VOPP1: variants seen among roughly 807,000 people sequenced by gnomAD.
VOPP1 encodes the protein WW domain binding protein VOPP1.
VOPP1 carries 8 observed loss-of-function variants against 23.5 expected under a neutral mutation model. The ratio of observed to expected loss-of-function variants is 0.34; its 90% confidence interval spans 0.20 to 0.61. The LOEUF is 0.61. Ranked by LOEUF, VOPP1 falls within the 20% of genes least tolerant of loss-of-function variation. The probability of loss-of-function intolerance (pLI) is 0.78; values close to 1 mark genes in which losing one functional copy is unlikely to be tolerated. For missense variants in VOPP1, 174 were observed against 238.1 expected (o/e 0.73, Z 1.77); for synonymous variants, 83 against 97.3 (o/e 0.85, Z 0.86).
downstream of VOPP1, among the ~76,000 whole-genome samples, chr7:55,468,471 G>T (rs1475778780): frequency 1.3e-5 from 2 of 152,268 alleles, no homozygotes; most frequent in South Asian, 4.1e-4. Context: ...AAAGGCTGAG[G>T]CCTGGCCCTT....
In VOPP1 at chr7:55,497,639, G is replaced by A. The variant is rs373731224; in HGVS notation, c.165C>T (p.Leu55=). 63 of 1,613,484 alleles carry A rather than the reference G, an allele frequency of 3.9e-5. No homozygotes were observed. The highest frequency in any genetic ancestry group is 1.6e-4 in the Middle Eastern group (1 of 6,068). ...CCGSRCCVRA[L]SIQRLWYFWF... ...AGAAGTACCACAGCCTCTGTATGGA[G>A]AGGGCCCGCACACAGCACCTGGAGC... is the stretch of plus-strand genomic sequence containing the variant. The change falls in exon 3 of 5, where the codon CTC becomes CTT. Residue 55 remains leucine (L), a synonymous_variant. Coordinates refer to ENST00000285279, the MANE Select transcript of VOPP1 (RefSeq NM_030796.5).
At chr7:55,476,525 G>C (rs1230741726) in intron 4 of VOPP1, among the ~76,000 whole-genome samples, 1 of 152,154 alleles carries the variant, frequency 6.6e-6, no homozygotes, top group Non-Finnish European at 1.5e-5. Flanking sequence ...GGGAGAAGGA[G>C]AGGCAGCTGA....
intron 2 of VOPP1, among the ~76,000 whole-genome samples, chr7:55,517,641 G>T (rs1177129251): frequency 6.6e-6 from 1 of 152,152 alleles, no homozygotes; most frequent in Non-Finnish European, 1.5e-5. Flanking sequence ...GGGCTTCAGA[G>T]ATCAAAAATA....
intron 3 of VOPP1, among the ~76,000 whole-genome samples, chr7:55,494,517 A>T (rs1471419163): frequency 6.6e-6 from 1 of 152,190 alleles, no homozygotes; most frequent in Non-Finnish European, 1.5e-5. Flanking sequence ...TGCAGCTCCC[A>T]CCTTAGACTA....
At chr7:55,454,269 T>C (rs815941) in intron 4 of VOPP1, among the ~76,000 whole-genome samples, 45,523 of 152,074 alleles carry the variant, frequency 0.3, 7,705 homozygotes, top group East Asian at 0.52. Context: ...AATCCCTGAA[T>C]AGACCTATAA....
At chr7:55,501,144 C>T (rs138438713) in intron 2 of VOPP1, among the ~76,000 whole-genome samples, 1,674 of 152,346 alleles carry the variant, frequency 0.011, 11 homozygotes, top group Middle Eastern at 0.02. Context: ...GAACTGCATA[C>T]TGACCAGAAA....
rs143840742 is a variant in VOPP1 at position 55,510,051 on chromosome 7, T to C, written c.113+11021A>G. Among the ~76,000 whole-genome samples, 644 of 152,220 alleles carry C rather than the reference T, an allele frequency of 4.2e-3. 3 individuals are homozygous for C. The highest frequency in any genetic ancestry group is 0.014 in the African/African-American group (592 of 41,530). ...CAGGCTGCTATTTCTTGTGGCCCAATAATAAGATGCAGATGAACTGGGGAG... is the reference window on the plus strand; with the variant it reads ...CAGGCTGCTATTTCTTGTGGCCCAACAATAAGATGCAGATGAACTGGGGAG... On this transcript the variant is annotated intron_variant, in intron 2 of 4. Transcript: ENST00000285279.
intron 1 of VOPP1, among the ~76,000 whole-genome samples, chr7:55,554,618 C>T (rs1237778479): frequency 6.6e-6 from 1 of 152,184 alleles, no homozygotes; most frequent in Admixed American, 6.5e-5. Flanking sequence ...TTCTGGAGCA[C>T]TGTCCTGGAT....
intron 1 of VOPP1, among the ~76,000 whole-genome samples, chr7:55,526,236 C>T (rs117868690): frequency 0.027 from 4,116 of 152,352 alleles, 80 homozygotes; most frequent in Non-Finnish European, 0.044. Context: ...ACAGTTCACA[C>T]TGGAGAGGCC....
intron 4 of VOPP1, among the ~76,000 whole-genome samples, chr7:55,438,754 G>A (rs1790892967): frequency 6.6e-6 from 1 of 152,224 alleles, no homozygotes; most frequent in Non-Finnish European, 1.5e-5. Context: ...GGCATTATCT[G>A]GCCCACATTG....
At chr7:55,543,735 TTGCCCA>T (rs1797242438) in intron 1 of VOPP1, among the ~76,000 whole-genome samples, 1 of 152,202 alleles carries the variant, frequency 6.6e-6, no homozygotes, top group South Asian at 2.1e-4. Flanking sequence ...TTCAAATAAT[TTGCCCA>T]TTTTTAAATC....
At position 55,531,356 on chromosome 7, in the gene VOPP1, T is replaced by TA. The variant is rs1796486831; in HGVS notation, c.55-10227_55-10226insT. Among the ~76,000 whole-genome samples the TA allele has an allele frequency of 2.0e-5, 3 of 151,400 alleles. No homozygotes were observed. In the South Asian group the frequency reaches 6.3e-4, roughly 32 times the overall value. On this transcript the variant is annotated intron_variant, in intron 1 of 4. Coordinates refer to ENST00000285279, the MANE Select transcript of VOPP1 (RefSeq NM_030796.5). ...CTTAAAGGCCTAATCCAGAATTTTT[T>TA]TTTTTTTTTTTGAGAGGGAGTCTCG...
intron 1 of VOPP1, among the ~76,000 whole-genome samples, chr7:55,539,882 C>T (rs1040822278): frequency 1.4e-5 from 2 of 147,028 alleles, no homozygotes; most frequent in African/African-American, 2.5e-5. Flanking sequence ...AACAAACGGG[C>T]GCATAACATA....
chr7:55,537,628 A>G (rs1274343343), intron 1 of VOPP1: 2 of 1,530,480 alleles, frequency 1.3e-6, no homozygotes, highest in Admixed American at 3.9e-5. Flanking sequence ...TACGGAGCAC[A>G]CATAAATAAA....
chr7:55,529,065 C>CA (rs199702517), intron 1 of VOPP1, among the ~76,000 whole-genome samples: 2,469 of 152,260 alleles, frequency 0.016, 32 homozygotes, highest in Admixed American at 0.044. Context: ...GCTGTTGTGG[C>CA]AAGAGACAAG....
intron 4 of VOPP1, among the ~76,000 whole-genome samples, chr7:55,440,897 A>G (rs1304936491): frequency 6.6e-6 from 1 of 152,184 alleles, no homozygotes; most frequent in East Asian, 1.9e-4. Context: ...CAGAACATCC[A>G]CGCCCCTCAC....
In VOPP1 at chr7:55,472,672, A is replaced by G; in HGVS notation, c.*183T>C. 2.8e-6 allele frequency: 1 copy of G among 353,074 alleles called. No homozygotes were observed. 21.9% of individuals were successfully genotyped at this position (353,074 alleles called of 1,614,324 possible). On this transcript the variant is annotated 3_prime_UTR_variant, in exon 5 of 5. Transcript: ENST00000285279. Reference sequence around the variant, plus strand: ...CAGAAACAGAAGCAACAGAGGAGACAAAGTGTGAGTTCATATATTGTACTC... The same window carrying G: ...CAGAAACAGAAGCAACAGAGGAGACGAAGTGTGAGTTCATATATTGTACTC...
At chr7:55,515,265 T>C (rs1429824299) in intron 2 of VOPP1, among the ~76,000 whole-genome samples, 3 of 151,858 alleles carry the variant, frequency 2.0e-5, no homozygotes, top group Admixed American at 1.3e-4. Flanking sequence ...CACAAAGAGG[T>C]GGTGGTGTCC....
intron 2 of VOPP1, among the ~76,000 whole-genome samples, chr7:55,499,792 G>A (rs1430300576): frequency 6.6e-6 from 1 of 152,170 alleles, no homozygotes; most frequent in African/African-American, 2.4e-5. Flanking sequence ...CTGCATGCTG[G>A]AGATGAGTGC....
Sources: allele counts gnomAD v4.1 joint callset (sites outside exome capture counted in the v4.1 genomes callset), GRCh38; gene constraint gnomAD v4.1.1; transcripts MANE v1.5; gene names NCBI Gene and HGNC (gene_info 2026-07-23, HGNC 2026-07-21).